Variants in PTPRD observed in about 807,000 individuals in gnomAD.
The protein encoded by PTPRD is receptor-type tyrosine-protein phosphatase delta.
Under a neutral mutation model 214.5 loss-of-function variants are expected in PTPRD, and 34 were observed. The ratio of observed to expected loss-of-function variants is 0.16; its 90% CI spans 0.12 to 0.21. PTPRD has a LOEUF of 0.21. PTPRD is among the 10% of genes least tolerant of loss of function. PTPRD has a pLI of 1.00. For synonymous variants in PTPRD, 1,128 were observed against 845.7 expected, an observed-to-expected ratio of 1.33 and a Z score of -5.79; for missense variants, 2,545 against 2,398.7, an observed-to-expected ratio of 1.06 and a Z score of -1.27.
chr9:9,809,264 A>ATTTTTT (rs58701533), intron 5 of PTPRD, among the ~76,000 whole-genome samples: 2 of 118,216 alleles, frequency 1.7e-5, no homozygotes, highest in South Asian at 2.8e-4. Flanking sequence ...GCCACAAGAG[A>ATTTTTT]TTTTTTTTTT....
intron 8 of PTPRD, among the ~76,000 whole-genome samples, chr9:9,482,522 G>C (rs1015259620): frequency 4.6e-5 from 7 of 152,096 alleles, no homozygotes; most frequent in African/African-American, 1.7e-4. Context: ...TTGAGAAGAG[G>C]GGAGTCTGGC....
intron 35 of PTPRD, among the ~76,000 whole-genome samples, chr9:8,412,048 C>T (rs879773417): frequency 1.1e-4 from 17 of 152,238 alleles, no homozygotes; most frequent in Middle Eastern, 3.4e-3. Flanking sequence ...AATGTAATTA[C>T]GATGACTTAT....
intron 5 of PTPRD, among the ~76,000 whole-genome samples, chr9:9,802,687 G>C (rs367826699): frequency 5.3e-5 from 8 of 151,790 alleles, no homozygotes; most frequent in African/African-American, 1.7e-4. Flanking sequence ...CCAGTATCCA[G>C]AATAGGACCT....
At chr9:9,620,569 C>A (rs991842032) in intron 7 of PTPRD, among the ~76,000 whole-genome samples, 2 of 152,072 alleles carry the variant, frequency 1.3e-5, no homozygotes, top group Non-Finnish European at 2.9e-5. Flanking sequence ...TACATTATTT[C>A]TTTTATTTCA....
chr9:9,738,150 T>C (rs1596378583), intron 6 of PTPRD, among the ~76,000 whole-genome samples: 1 of 152,030 alleles, frequency 6.6e-6, no homozygotes, highest in Non-Finnish European at 1.5e-5. Context: ...ATACCTAATG[T>C]TAAATGACGA....
At chr9:10,019,928 T>TA (rs76226466) in intron 4 of PTPRD, among the ~76,000 whole-genome samples, 2 of 151,452 alleles carry the variant, frequency 1.3e-5, no homozygotes, top group African/African-American at 4.8e-5. Flanking sequence ...TAAAGTATAA[T>TA]AAAAAAAATT....
chr9:8,389,149 A>T, intron 37 of PTPRD, 83 bp downstream of exon 37: 1 of 1,209,104 alleles, frequency 8.3e-7, no homozygotes, highest in Non-Finnish European at 1.1e-6. Context: ...GGGAAAGGTT[A>T]GATTCTGAAC....
intron 4 of PTPRD, among the ~76,000 whole-genome samples, chr9:9,990,009 C>G (rs547977655): frequency 6.6e-6 from 1 of 152,220 alleles, no homozygotes; most frequent in African/African-American, 2.4e-5. Flanking sequence ...GGGGCTCTCC[C>G]AGGATTCATC....
chr9:8,921,705 G>A (rs1453004347), intron 11 of PTPRD, among the ~76,000 whole-genome samples: 3 of 151,970 alleles, frequency 2.0e-5, no homozygotes, highest in African/African-American at 7.3e-5. Flanking sequence ...TGTTGGCCAG[G>A]CTAGTCTCGA....
At chr9:10,201,720 T>C (rs2099424645) in intron 3 of PTPRD, among the ~76,000 whole-genome samples, 1 of 152,072 alleles carries the variant, frequency 6.6e-6, no homozygotes, top group African/African-American at 2.4e-5. Context: ...GATTGAATCA[T>C]TCAACAAAGC....
At chr9:8,628,508 G>A (rs2096126972) in intron 14 of PTPRD, among the ~76,000 whole-genome samples, 1 of 151,138 alleles carries the variant, frequency 6.6e-6, no homozygotes, top group Non-Finnish European at 1.5e-5. Context: ...CATCTTGCAA[G>A]AACTGACTTG....
At chr9:8,971,335 T>TAA (rs1397133259) in intron 11 of PTPRD, among the ~76,000 whole-genome samples, 3 of 151,504 alleles carry the variant, frequency 2.0e-5, no homozygotes, top group Non-Finnish European at 4.4e-5. Context: ...AATGAGAAAT[T>TAA]AAAAAAAACC....
intron 10 of PTPRD, among the ~76,000 whole-genome samples, chr9:9,094,188 C>G (rs951166680): frequency 1.3e-5 from 2 of 152,002 alleles, no homozygotes; most frequent in African/African-American, 4.8e-5. Flanking sequence ...GCAAAGAAAA[C>G]GTTAGAAAGT....
intron 3 of PTPRD, among the ~76,000 whole-genome samples, chr9:10,177,713 C>G (rs1411641545): frequency 4.6e-5 from 7 of 151,782 alleles, no homozygotes; most frequent in Admixed American, 1.3e-4. Context: ...ATTGTTAACT[C>G]TTTTTGAATT....
chr9:9,114,060 G>A (rs895984763), intron 10 of PTPRD, among the ~76,000 whole-genome samples: 1 of 152,110 alleles, frequency 6.6e-6, no homozygotes, highest in Admixed American at 6.5e-5. Flanking sequence ...ATCACTATAA[G>A]AGAACAAACA....
intron 14 of PTPRD, among the ~76,000 whole-genome samples, chr9:8,576,202 T>C (rs1057324969): frequency 1.8e-4 from 27 of 152,168 alleles, no homozygotes; most frequent in Admixed American, 1.4e-3. Flanking sequence ...TGGCATAGAA[T>C]ACCTGCAGCA....
intron 36 of PTPRD, among the ~76,000 whole-genome samples, chr9:8,399,827 G>T (rs934729176): frequency 5.9e-5 from 9 of 152,136 alleles, no homozygotes; most frequent in African/African-American, 2.2e-4. Flanking sequence ...AAGAACAGCT[G>T]CCTTGAGACT....
chr9:10,573,043 T>C (rs1685917892), intron 2 of PTPRD, among the ~76,000 whole-genome samples: 1 of 152,144 alleles, frequency 6.6e-6, no homozygotes, highest in Admixed American at 6.5e-5. Context: ...AGTTGTCAAC[T>C]GAAATTTGAC....
chr9:8,822,080 A>C (rs1240617455), intron 11 of PTPRD, among the ~76,000 whole-genome samples: 1 of 152,146 alleles, frequency 6.6e-6, no homozygotes, highest in Non-Finnish European at 1.5e-5. Context: ...CAGAAAACAC[A>C]TTTTTAGTGG....
Sources: gnomAD v4.1 joint callset for allele counts (sites outside exome capture counted in the v4.1 genomes callset) on GRCh38, gnomAD v4.1.1 for gene constraint, MANE v1.5 for transcripts, NCBI Gene and HGNC (gene_info 2026-07-23, HGNC 2026-07-21) for gene names.